Variants in DHRSX observed in about 807,000 individuals in gnomAD.
The protein encoded by DHRSX is dehydrogenase/reductase X-linked, also known as polyprenol dehydrogenase.
A neutral mutation model predicts 34.0 loss-of-function variants in DHRSX; 31 were observed. The observed-to-expected ratio is 0.91, with a 90% CI of 0.69 to 1.23. The LOEUF is 1.23. DHRSX is among the 50% of genes most tolerant of loss of function. The pLI, the probability that DHRSX is intolerant of heterozygous loss-of-function variation, is 0.00. For missense variants in DHRSX, 414 were observed against 428.1 expected (o/e 0.97, Z 0.29); for synonymous variants, 201 against 183.8 (o/e 1.09, Z -0.76).
intron 5 of DHRSX, among the ~76,000 whole-genome samples, chrX:2,253,162 G>A (rs1881625062): frequency 6.6e-6 from 1 of 152,106 alleles, no homozygotes; most frequent in South Asian, 2.1e-4. Context: ...CACGGCCTGG[G>A]AGGCAGATAT....
intron 3 of DHRSX, among the ~76,000 whole-genome samples, chrX:2,366,046 C>A (rs1360773974): frequency 1.2e-4 from 19 of 152,170 alleles, no homozygotes; most frequent in Admixed American, 1.2e-3. Context: ...AATCTCTTCA[C>A]CACACGGCCA....
At chrX:2,447,877 G>A (rs1393942860) in intron 1 of DHRSX, among the ~76,000 whole-genome samples, 1 of 117,094 alleles carries the variant, frequency 8.5e-6, no homozygotes, top group Non-Finnish European at 1.7e-5. Context: ...AATGCTTCAT[G>A]AAGTGTTTGT....
chrX:2,445,919 G>A (rs764548332), intron 1 of DHRSX, among the ~76,000 whole-genome samples: 2 of 151,580 alleles, frequency 1.3e-5, no homozygotes, highest in East Asian at 3.9e-4. Context: ...TGTGGCCAAG[G>A]GACCGACGCC....
chrX:2,500,831 C>T lies in DHRSX; in HGVS notation c.95G>A (p.Gly32Asp). ...LAQLLRRCRG[G>D]FLEPVFPPRP... ...GCCCCGCTGACCTGGCTCCAGGAAGCCCCCGCGGCAGCGCCGCAGCAGCTG... is the reference window on the plus strand; with the variant it reads ...GCCCCGCTGACCTGGCTCCAGGAAGTCCCCGCGGCAGCGCCGCAGCAGCTG... The change falls in exon 1 of 7, where the codon GGC (glycine) becomes GAC (aspartate). Residue 32 changes from glycine (G) to aspartate (D), a missense_variant. Coordinates refer to ENST00000334651, the MANE Select transcript of DHRSX (RefSeq NM_145177.3). The T allele has an allele frequency of 8.8e-7, 1 of 1,139,508 alleles. No homozygotes were observed. The highest frequency in any genetic ancestry group is 1.1e-6 in the Non-Finnish European group (1 of 926,750). 70.6% of individuals were successfully genotyped at this position (1,139,508 alleles called of 1,614,324 possible).
chrX:2,413,001 C>G (rs1418571185), intron 2 of DHRSX, among the ~76,000 whole-genome samples: 1 of 152,132 alleles, frequency 6.6e-6, no homozygotes, highest in Non-Finnish European at 1.5e-5. Flanking sequence ...TCGAGACCAT[C>G]CTGGCCAACC....
intron 4 of DHRSX, among the ~76,000 whole-genome samples, chrX:2,285,149 T>C (rs1029875855): frequency 2.0e-5 from 3 of 152,174 alleles, no homozygotes; most frequent in Non-Finnish European, 4.4e-5. Context: ...GGGGATGGTT[T>C]TGGGATGATT....
At chrX:2,246,634 A>C (rs1214709229) in intron 5 of DHRSX, among the ~76,000 whole-genome samples, 1 of 151,036 alleles carries the variant, frequency 6.6e-6, no homozygotes, top group Admixed American at 6.7e-5. Flanking sequence ...AAAAGAAAGA[A>C]AGAAAGACAG....
rs1569487324 is a variant in DHRSX at position 2,314,475 on chromosome X, A to AAGGAAGGAAGGAAGGG, written c.287-22888_287-22873dup. Among the ~76,000 whole-genome samples, 40 of 65,876 alleles carry AAGGAAGGAAGGAAGGG rather than the reference A, an allele frequency of 6.1e-4. 2 individuals are homozygous for AAGGAAGGAAGGAAGGG. In the East Asian group the frequency reaches 0.01, roughly 17 times the overall value. The allele number at this position is 65,876 out of a possible 152,430, so 43.2% of individuals were successfully genotyped here. A position where few individuals can be genotyped will look rare whatever the true frequency, so the allele number is the denominator to read the frequency against. ...GAAGGGAGGAAGGAAGGGGAGAAGG[A>AAGGAAGGAAGGAAGGG]AGGAAGGAAGGAAGGGAGGTAAAGG... On this transcript the variant is annotated intron_variant, in intron 3 of 6. Transcript: ENST00000334651.
intron 2 of DHRSX, among the ~76,000 whole-genome samples, chrX:2,418,947 T>TA (rs1471627732): frequency 2.0e-5 from 3 of 152,114 alleles, no homozygotes; most frequent in African/African-American, 7.2e-5. Flanking sequence ...ATCTTGTCTC[T>TA]AATTTACTCA....
At chrX:2,331,436 G>GTTTTTTA (rs2042472070) in intron 3 of DHRSX, among the ~76,000 whole-genome samples, 1 of 94,658 alleles carries the variant, frequency 1.1e-5, no homozygotes, top group Admixed American at 1.4e-4. Context: ...AGGTTTTTTG[G>GTTTTTTA]TTTTTTTTTT....
rs995997680 is a variant in DHRSX, at chrX:2,500,936, GCCGCGCCGCCGCCGCTT to G, written c.-28_-12del. ...AGACAATGGCGACATGGCTGCCCCG[GCCGCGCCGCCGCCGCTT>G]CCGCGCCGCCCGCGGGACTCTGCGC... is the stretch of plus-strand genomic sequence containing the variant. On this transcript the variant is annotated 5_prime_UTR_variant, in exon 1 of 7. Coordinates refer to ENST00000334651, the MANE Select transcript of DHRSX (RefSeq NM_145177.3). 99 of 1,052,004 alleles carry G rather than the reference GCCGCGCCGCCGCCGCTT, an allele frequency of 9.4e-5. No individual in the cohort carries two copies. The East Asian group carries it at 2.0e-3, about 21-fold the overall frequency. The allele number at this position is 1,052,004 out of a possible 1,614,324, so 65.2% of individuals were successfully genotyped here.
chrX:2,448,999 A>G (rs1272063722), intron 1 of DHRSX, among the ~76,000 whole-genome samples: 5 of 152,050 alleles, frequency 3.3e-5, no homozygotes, highest in Admixed American at 3.3e-4. Flanking sequence ...GACTGGCCTG[A>G]CCAATATGCT....
chrX:2,457,960 T>G, intron 1 of DHRSX, among the ~76,000 whole-genome samples: 1 of 151,028 alleles, frequency 6.6e-6, no homozygotes, highest in Middle Eastern at 3.5e-3. Context: ...AGACATTCCC[T>G]AAGCTTGTGG....
chrX:2,317,441 C>T (rs2042254528), intron 3 of DHRSX, among the ~76,000 whole-genome samples: 2 of 147,448 alleles, frequency 1.4e-5, no homozygotes, highest in African/African-American at 2.5e-5. Flanking sequence ...TCAGTACAGA[C>T]GGGGTTTTGC....
intron 3 of DHRSX, among the ~76,000 whole-genome samples, chrX:2,408,323 C>T (rs1895204977): frequency 6.6e-6 from 1 of 152,094 alleles, no homozygotes; most frequent in Admixed American, 6.5e-5. Flanking sequence ...ATCCACCCGC[C>T]TCAGCCTCCC....
intron 1 of DHRSX, among the ~76,000 whole-genome samples, chrX:2,429,503 A>G (rs1356098734): frequency 6.6e-6 from 1 of 150,982 alleles, no homozygotes; most frequent in African/African-American, 2.4e-5. Flanking sequence ...GCTGCAGTGC[A>G]GTGGTGCAAT....
chrX:2,242,567 G>A (rs375397437), intron 6 of DHRSX, among the ~76,000 whole-genome samples: 12 of 152,192 alleles, frequency 7.9e-5, no homozygotes, highest in African/African-American at 1.7e-4. Context: ...ACAAGGTACA[G>A]GTCATAAAAA....
intron 1 of DHRSX, among the ~76,000 whole-genome samples, chrX:2,450,956 C>T (rs1230355848): frequency 1.3e-5 from 2 of 151,994 alleles, no homozygotes; most frequent in East Asian, 1.9e-4. Context: ...AGCTCCCTCG[C>T]CCCTTCCACG....
chrX:2,268,788 GT>G, intron 4 of DHRSX, among the ~76,000 whole-genome samples: 1 of 152,320 alleles, frequency 6.6e-6, no homozygotes, highest in Middle Eastern at 3.4e-3. Flanking sequence ...GTATTTGCAT[GT>G]GTTCATACAC....
Sources: allele counts gnomAD v4.1 joint callset (sites outside exome capture counted in the v4.1 genomes callset), GRCh38; gene constraint gnomAD v4.1.1; transcripts MANE v1.5; gene names NCBI Gene and HGNC (gene_info 2026-07-23, HGNC 2026-07-21).